The following RPS6KC1 variants were observed in gnomAD, a reference collection of about 807,000 sequenced individuals.
RPS6KC1 encodes the protein ribosomal protein S6 kinase C1.
RPS6KC1 carries 54 observed loss-of-function variants against 103.8 expected under a neutral mutation model. That is an observed-to-expected ratio of 0.52 (90% CI 0.42 to 0.65). The LOEUF (loss-of-function observed/expected upper bound fraction) is 0.65. Ranked by LOEUF, RPS6KC1 falls within the 30% of genes least tolerant of loss-of-function variation. The pLI is 0.00. For synonymous variants in RPS6KC1, 439 were observed against 438.7 expected, an observed-to-expected ratio of 1.00 and a Z score of -0.01; for missense variants, 1,151 against 1,253.8, an observed-to-expected ratio of 0.92 and a Z score of 1.24.
the RPS6KC1 span, among the ~76,000 whole-genome samples, chr1:213,348,406 G>A: frequency 2.0e-5 from 3 of 152,166 alleles, no homozygotes; most frequent in African/African-American, 4.8e-5. Flanking sequence ...GATGTAATTC[G>A]GGCCAATGAA....
the RPS6KC1 span, among the ~76,000 whole-genome samples, chr1:213,581,800 C>T: frequency 1.2e-4 from 18 of 152,178 alleles, 2 homozygotes; most frequent in East Asian, 2.9e-3. Context: ...TTTTTGCATT[C>T]GCTGGTATTA....
chr1:213,202,853 A>G (rs2093215485), intron 8 of RPS6KC1, among the ~76,000 whole-genome samples: 1 of 152,206 alleles, frequency 6.6e-6, no homozygotes, highest in Non-Finnish European at 1.5e-5. Flanking sequence ...AATGGGAAAC[A>G]TATAACATTA....
At chr1:213,657,985 A>G in the RPS6KC1 span, among the ~76,000 whole-genome samples, 1 of 152,168 alleles carries the variant, frequency 6.6e-6, no homozygotes, top group South Asian at 2.1e-4. Flanking sequence ...CCACATACTG[A>G]GGTACTGTGA....
chr1:213,671,103 T>G, the RPS6KC1 span, among the ~76,000 whole-genome samples: 2 of 152,212 alleles, frequency 1.3e-5, no homozygotes, highest in Non-Finnish European at 1.5e-5. Context: ...AACCAGACTT[T>G]TTTATTCATC....
the RPS6KC1 span, among the ~76,000 whole-genome samples, chr1:213,363,714 CTTTCTTTCTTTCGTTCTT>C: frequency 9.0e-6 from 1 of 111,210 alleles, no homozygotes; most frequent in African/African-American, 4.4e-5. Context: ...TTCTTTCTTT[CTTTCTTTCTTTCGTTCTT>C]TCTTTCTCTC....
the RPS6KC1 span, among the ~76,000 whole-genome samples, chr1:213,323,334 T>A: frequency 6.6e-6 from 1 of 152,122 alleles, no homozygotes; most frequent in Admixed American, 6.5e-5. Flanking sequence ...TGTAAGGCCA[T>A]CATTAAGACT....
At chr1:213,699,092 A>G in the RPS6KC1 span, among the ~76,000 whole-genome samples, 26 of 152,286 alleles carry the variant, frequency 1.7e-4, no homozygotes, top group Non-Finnish European at 7.4e-5. Context: ...AAAATAAACA[A>G]TTAAATTATT....
chr1:213,089,218 C>T (rs1451609273), intron 3 of RPS6KC1, among the ~76,000 whole-genome samples: 2 of 152,136 alleles, frequency 1.3e-5, no homozygotes, highest in Admixed American at 6.5e-5. Context: ...CCATTCTGTT[C>T]CCCTACCAAG....
At chr1:213,775,549 C>T in the RPS6KC1 span, among the ~76,000 whole-genome samples, 1 of 152,082 alleles carries the variant, frequency 6.6e-6, no homozygotes, top group African/African-American at 2.4e-5. Context: ...AATGTAATAC[C>T]TTAATTTTAA....
chr1:213,176,768 G>A (rs1427026693), intron 8 of RPS6KC1: 3 of 225,918 alleles, frequency 1.3e-5, no homozygotes, highest in Non-Finnish European at 2.7e-5. Flanking sequence ...TTATAGCAGA[G>A]TAAAGATGTA....
chr1:213,712,021 C>T, the RPS6KC1 span, among the ~76,000 whole-genome samples: 5 of 152,202 alleles, frequency 3.3e-5, no homozygotes, highest in Non-Finnish European at 5.9e-5. Context: ...GCAGTCTGTT[C>T]CTTAGCAGAG....
chr1:213,390,708 A>G, the RPS6KC1 span, among the ~76,000 whole-genome samples: 1 of 152,138 alleles, frequency 6.6e-6, no homozygotes, highest in East Asian at 1.9e-4. Context: ...AATTTTCTCG[A>G]CACAAACAAG....
intron 1 of RPS6KC1, among the ~76,000 whole-genome samples, chr1:213,065,354 ACT>A (rs1003395321): frequency 2.6e-5 from 4 of 152,102 alleles, no homozygotes; most frequent in African/African-American, 9.7e-5. Flanking sequence ...TTTGTGACAA[ACT>A]CTCTTGAAAT....
the RPS6KC1 span, among the ~76,000 whole-genome samples, chr1:213,633,385 G>A: frequency 6.6e-6 from 1 of 152,118 alleles, no homozygotes; most frequent in African/African-American, 2.4e-5. Flanking sequence ...GAGAATCAGG[G>A]CCAATACTCA....
intron 6 of RPS6KC1, among the ~76,000 whole-genome samples, chr1:213,167,439 AACACACAC>A (rs199762137): frequency 0.044 from 3,331 of 75,954 alleles, 47 homozygotes; most frequent in Middle Eastern, 0.11. Context: ...CAAGGTTGAA[AACACACAC>A]ACACACACAC....
At chr1:213,741,384 T>A in the RPS6KC1 span, among the ~76,000 whole-genome samples, 1 of 152,154 alleles carries the variant, frequency 6.6e-6, no homozygotes, top group Admixed American at 6.5e-5. Flanking sequence ...GATCACTTAC[T>A]ATAGAAGCTA....
intron 7 of RPS6KC1, among the ~76,000 whole-genome samples, chr1:213,170,110 A>C (rs1342385001): frequency 6.6e-6 from 1 of 152,160 alleles, no homozygotes; most frequent in Non-Finnish European, 1.5e-5. Flanking sequence ...AGGGATTTAA[A>C]ATTACCAGTA....
chr1:213,235,979 G>A (rs1456719751), intron 10 of RPS6KC1, among the ~76,000 whole-genome samples: 1 of 150,410 alleles, frequency 6.6e-6, no homozygotes, highest in African/African-American at 2.5e-5. Flanking sequence ...GGCCACAGAC[G>A]GGTACCTGGA....
the RPS6KC1 span, among the ~76,000 whole-genome samples, chr1:213,280,578 C>T: frequency 6.6e-6 from 1 of 152,092 alleles, no homozygotes; most frequent in Non-Finnish European, 1.5e-5. Flanking sequence ...CTGGGGAACT[C>T]AGTGGGGGAT....
Sources: gnomAD v4.1 joint callset for allele counts (sites outside exome capture counted in the v4.1 genomes callset) on GRCh38, gnomAD v4.1.1 for gene constraint, MANE v1.5 for transcripts, NCBI Gene and HGNC (gene_info 2026-07-23, HGNC 2026-07-21) for gene names.